Variants in CCDC77 observed in about 807,000 individuals in gnomAD.
CCDC77 encodes coiled-coil domain containing 77.
In CCDC77, 56 loss-of-function variants were observed where a neutral mutation model predicts 66.8. That is an observed-to-expected ratio of 0.84 (90% CI 0.68 to 1.05). The LOEUF is 1.05. Among genes scored for constraint, CCDC77 ranks in the 50% least tolerant of loss-of-function variants. CCDC77 has a pLI of 0.00. For missense variants in CCDC77, 570 were observed against 576.8 expected, an observed-to-expected ratio of 0.99 and a Z score of 0.12; for synonymous variants, 196 against 195.2, an observed-to-expected ratio of 1.00 and a Z score of -0.03.
intron 7 of CCDC77, among the ~76,000 whole-genome samples, 162 bp downstream of exon 7, chr12:430,898 G>A (rs2137603757): frequency 6.6e-6 from 1 of 152,138 alleles, no homozygotes; most frequent in Middle Eastern, 3.4e-3. Context: ...GGCCAACATG[G>A]CAAAACCCCA....
chr12:425,054 C>T (rs1241126607), intron 5 of CCDC77, among the ~76,000 whole-genome samples: 8 of 151,846 alleles, frequency 5.3e-5, no homozygotes, highest in Non-Finnish European at 1.5e-5. Flanking sequence ...CCTCATCCTT[C>T]CAAGTAGCTG....
At chr12:433,098 A>G in intron 8 of CCDC77, 76 bp from the exon 9 acceptor site, 1 of 1,440,492 alleles carries the variant, frequency 6.9e-7, no homozygotes, top group Non-Finnish European at 9.4e-7. Flanking sequence ...TTTTCTGGAG[A>G]AAGGCTCACT....
rs367825516 is a variant in CCDC77, at chr12:416,334, G to A, written c.271-2160G>A. 1.7e-3 allele frequency among the ~76,000 whole-genome samples: 85 copies of A among 50,778 alleles called. 4 individuals are homozygous for A. The highest frequency in any genetic ancestry group is 0.015 in the South Asian group (21 of 1,418). 33.3% of individuals were successfully genotyped at this position (50,778 alleles called of 152,430 possible). A position where few individuals can be genotyped will look rare whatever the true frequency, so the allele number is the denominator to read the frequency against. ...GTGTGTGTGTGTGTGTGAGTCTGTG[G>A]GTGTGTGGGGGTGTGTGTGTGTGTG... On this transcript the variant is annotated intron_variant, in intron 4 of 12. Coordinates refer to ENST00000239830, the MANE Select transcript of CCDC77 (RefSeq NM_032358.4).
chr12:418,282 C>T (rs1235449119), intron 4 of CCDC77, among the ~76,000 whole-genome samples: 1 of 152,198 alleles, frequency 6.6e-6, no homozygotes, highest in African/African-American at 2.4e-5. Context: ...CACTGCACTA[C>T]AGCCTGGGCA....
intron 1 of CCDC77, among the ~76,000 whole-genome samples, chr12:391,228 G>A (rs1244648466): frequency 6.6e-6 from 1 of 152,162 alleles, no homozygotes; most frequent in Non-Finnish European, 1.5e-5. Flanking sequence ...AAGGCGGGCA[G>A]ATCACCTGAG....
At chr12:419,501 C>A (rs1945357108) in intron 5 of CCDC77, among the ~76,000 whole-genome samples, 1 of 104,538 alleles carries the variant, frequency 9.6e-6, no homozygotes, top group Non-Finnish European at 1.9e-5. Flanking sequence ...TTACAGTGCA[C>A]TTCTGTGTGT....
At chr12:408,459 A>G (rs1440823712) in intron 2 of CCDC77, among the ~76,000 whole-genome samples, 1 of 152,216 alleles carries the variant, frequency 6.6e-6, no homozygotes, top group African/African-American at 2.4e-5. Context: ...TAAAGATAGC[A>G]TCAGTGGCTT....
upstream of CCDC77, chr12:401,447 C>G (rs140255802): frequency 2.7e-4 from 41 of 152,372 alleles, no homozygotes; most frequent in African/African-American, 9.1e-4. Context: ...GCGCAGAGCT[C>G]CAGGCAGAAG....
At chr12:406,251 G>A (rs1457256911) in intron 2 of CCDC77, among the ~76,000 whole-genome samples, 1 of 152,172 alleles carries the variant, frequency 6.6e-6, no homozygotes, top group East Asian at 1.9e-4. Flanking sequence ...ACAGAGAAGA[G>A]GGATGAGGTT....
At chr12:440,510 G>T in intron 10 of CCDC77, 107 bp from the exon 11 acceptor site, 2 of 1,308,842 alleles carry the variant, frequency 1.5e-6, no homozygotes. Context: ...AACTCATTTT[G>T]TACCTCTGGA....
In CCDC77 at chr12:433,215, T is replaced by C; in HGVS notation, c.714T>C (p.Leu238=). ...CTCAGCTGGGAGAGCAGACCAAACT[T>C]TCTCGAGAACAAATTGAAGGGCTCA... ...LQAQLGEQTK[L]SREQIEGLIE... The change falls in exon 9 of 13, where the codon CTT becomes CTC. Residue 238 remains leucine, a synonymous_variant. Transcript: ENST00000239830. 1 of 1,613,990 alleles carries C rather than the reference T, an allele frequency of 6.2e-7. No individual in the cohort carries two copies. The highest frequency in any genetic ancestry group is 8.5e-7 in the Non-Finnish European group (1 of 1,179,954).
intron 1 of CCDC77, among the ~76,000 whole-genome samples, chr12:390,655 C>T (rs1347236695): frequency 1.3e-5 from 2 of 152,168 alleles, no homozygotes; most frequent in Admixed American, 6.5e-5. Flanking sequence ...TGGCCTCCAG[C>T]CTGCCAACCC....
chr12:399,022 GT>G (rs1944863714), upstream of CCDC77, among the ~76,000 whole-genome samples: 1 of 152,052 alleles, frequency 6.6e-6, no homozygotes, highest in African/African-American at 2.4e-5. Context: ...AAAGTGCTGG[GT>G]TTACAGGTGT....
At chr12:405,223 A>G (rs1173207607) in intron 1 of CCDC77, among the ~76,000 whole-genome samples, 2 of 152,256 alleles carry the variant, frequency 1.3e-5, no homozygotes, top group African/African-American at 2.4e-5. Context: ...TTCCATTTAT[A>G]GGAAAGTCCA....
chr12:412,408 A>G (rs768355446), intron 4 of CCDC77, among the ~76,000 whole-genome samples: 1 of 152,246 alleles, frequency 6.6e-6, no homozygotes, highest in Non-Finnish European at 1.5e-5. Context: ...CTGCATAGCA[A>G]AAACTGAGCT....
chr12:425,529 G>A (rs570469384), intron 5 of CCDC77, among the ~76,000 whole-genome samples: 25 of 151,832 alleles, frequency 1.6e-4, no homozygotes, highest in Admixed American at 3.3e-4. Context: ...TGATACATAG[G>A]TCAGAGCAGT....
intron 5 of CCDC77, among the ~76,000 whole-genome samples, chr12:424,464 C>T (rs752540754): frequency 1.3e-5 from 2 of 151,500 alleles, no homozygotes; most frequent in Non-Finnish European, 2.9e-5. Flanking sequence ...TAGGCATGCA[C>T]CACTATGCCT....
Position 438,479 on chromosome 12 carries a change from G to C in CCDC77, c.966G>C (p.Lys322Asn). ...SKIKQYRVQC[K>N]KKEDKIGKVL... ...TTAAGCAATATAGGGTGCAGTGTAAGAAGAAAGAAGATAAAATTGGAAAAG... is the reference window on the plus strand; with the variant it reads ...TTAAGCAATATAGGGTGCAGTGTAACAAGAAAGAAGATAAAATTGGAAAAG... Residue 322 changes from lysine (K) to asparagine (N), a missense_variant, in exon 10 of 13, where the codon AAG (lysine) becomes AAC (asparagine). Transcript: ENST00000239830. 1 of 1,614,072 alleles carries C rather than the reference G, an allele frequency of 6.2e-7. No homozygotes were observed. The highest frequency in any genetic ancestry group is 8.5e-7 in the Non-Finnish European group (1 of 1,179,938).
At position 438,518 on chromosome 12, in the gene CCDC77, G is replaced by A. The variant is rs746796858; in HGVS notation, c.1005G>A (p.Met335Ile). 12 of 1,613,520 alleles carry A rather than the reference G, an allele frequency of 7.4e-6. No individual in the cohort carries two copies. Among genetic ancestry groups the A allele is most frequent in the African/African-American group, 1.3e-5 (1 of 74,912 alleles). Residue 335 changes from methionine (M) to isoleucine (I), a missense_variant, in exon 10 of 13, where the codon ATG (methionine) becomes ATA (isoleucine). Met to Ile is a conservative substitution (Grantham distance 10). Transcript: ENST00000239830. ...AAATTGGAAAAGTGTTGCCCGTTAT[G>A]CATGAGAGTCACCATGCTCAAAGTG... is the stretch of plus-strand genomic sequence containing the variant. ...EDKIGKVLPV[M>I]HESHHAQSEY... is the part of the protein sequence containing the mutation.
Sources: gnomAD v4.1 joint callset for allele counts (sites outside exome capture counted in the v4.1 genomes callset) on GRCh38, gnomAD v4.1.1 for gene constraint, MANE v1.5 for transcripts, NCBI Gene and HGNC (gene_info 2026-07-23, HGNC 2026-07-21) for gene names.